Variants in CYP2E1 observed in about 807,000 individuals in gnomAD.
The protein encoded by CYP2E1 is cytochrome P450 family 2 subfamily E member 1, also known as cytochrome P450 2E1.
A neutral mutation model predicts 42.9 loss-of-function variants in CYP2E1; 31 were observed. The ratio of observed to expected loss-of-function variants is 0.72; its 90% confidence interval spans 0.54 to 0.98. The LOEUF (loss-of-function observed/expected upper bound fraction) is 0.98. Ranked by LOEUF, CYP2E1 falls within the 50% of genes least tolerant of loss-of-function variation. The probability of loss-of-function intolerance (pLI) is 0.00; values close to 1 mark genes in which losing one functional copy is unlikely to be tolerated. For missense variants in CYP2E1, 565 were observed against 633.2 expected, an observed-to-expected ratio of 0.89 and a Z score of 1.16; for synonymous variants, 244 against 248.9, an observed-to-expected ratio of 0.98 and a Z score of 0.19.
intron 1 of CYP2E1, 85 bp from the exon 2 acceptor site, chr10:133,528,396 A>G: frequency 6.6e-7 from 1 of 1,521,882 alleles, no homozygotes; most frequent in South Asian, 1.2e-5. Flanking sequence ...AGCAACAGCA[A>G]TACCCGCCCG....
intron 3 of CYP2E1, 191 bp from the exon 4 acceptor site, chr10:133,531,933 G>A (rs1003698204): frequency 2.3e-5 from 17 of 742,542 alleles, no homozygotes; most frequent in Admixed American, 1.7e-4. Context: ...CATTAAACAC[G>A]TGACTTGTAT....
chr10:133,533,901 G>A lies in CYP2E1; in HGVS notation c.967+4G>A, dbSNP rs78391899. On this transcript the variant is annotated splice_donor_region_variant and intron_variant, in intron 6 of 8. Transcript: ENST00000252945. ...ATGAAATACCCTGAGATCGAAGGTAGGCAAGTGACTGAAGGGACACCGTGC... is the reference window on the plus strand; with the variant it reads ...ATGAAATACCCTGAGATCGAAGGTAAGCAAGTGACTGAAGGGACACCGTGC... 43 of 1,613,956 alleles carry A rather than the reference G, an allele frequency of 2.7e-5. No homozygotes were observed. The Admixed American group carries it at 2.8e-4, about 11-fold the overall frequency.
chr10:133,537,644 A>G, intron 7 of CYP2E1, 107 bp from the exon 8 acceptor site: 1 of 964,524 alleles, frequency 1.0e-6, no homozygotes, highest in Non-Finnish European at 1.6e-6. Flanking sequence ...GAAATATACT[A>G]TCCTATATAG....
chr10:133,528,336 C>T, intron 1 of CYP2E1, 145 bp from the exon 2 acceptor site: 1 of 961,946 alleles, frequency 1.0e-6, no homozygotes, highest in Non-Finnish European at 1.5e-6. Context: ...TCTCCCCCAC[C>T]TCGGGCTGGA....
Position 133,528,603 on chromosome 10 carries a change from A to T in CYP2E1, c.300A>T (p.Arg100Ser). ...ACTACAAGGACGAGTTCTCGGGCAG[A>T]GGCGACCTCCCCGCGTTCCATGCGC... ...LLDYKDEFSG[R>S]GDLPAFHAHR... Residue 100 changes from arginine to serine, a missense_variant, in exon 2 of 9, where the codon AGA becomes AGT. Coordinates refer to ENST00000252945, the MANE Select transcript of CYP2E1 (RefSeq NM_000773.4). The T allele has an allele frequency of 6.2e-7, 1 of 1,613,388 alleles. No homozygotes were observed. The highest frequency in any genetic ancestry group is 8.5e-7 in the Non-Finnish European group (1 of 1,179,968).
In CYP2E1 at chr10:133,538,769, G is replaced by T; in HGVS notation, c.1298-11G>T. On this transcript the variant is annotated splice_polypyrimidine_tract_variant and intron_variant, in intron 8 of 8. Coordinates refer to ENST00000252945, the MANE Select transcript of CYP2E1 (RefSeq NM_000773.4). Reference sequence around the variant, plus strand: ...CCCTCAGTGTCTCATCAATACCATTGTTACTTCTAGGAAAACGAGTGTGTG... The same window carrying T: ...CCCTCAGTGTCTCATCAATACCATTTTTACTTCTAGGAAAACGAGTGTGTG... The T allele has an allele frequency of 6.2e-7, 1 of 1,612,372 alleles. No individual in the cohort carries two copies. The highest frequency in any genetic ancestry group is 1.3e-5 in the African/African-American group (1 of 74,964).
intron 5 of CYP2E1, among the ~76,000 whole-genome samples, chr10:133,533,089 G>T (rs112863932): frequency 2.0e-3 from 297 of 152,288 alleles, no homozygotes; most frequent in African/African-American, 6.7e-3. Context: ...TGGGCGGGAC[G>T]CTTAGCTCTC....
At chr10:133,528,257 C>A in intron 1 of CYP2E1, 1 of 523,816 alleles carries the variant, frequency 1.9e-6, no homozygotes, top group Non-Finnish European at 3.4e-6. Flanking sequence ...GGAGTCCAGG[C>A]GGGTGGGGAG....
At chr10:133,538,009 G>A (rs1400482077) in intron 8 of CYP2E1, 117 bp downstream of exon 8, 4 of 987,598 alleles carry the variant, frequency 4.1e-6, no homozygotes, top group Non-Finnish European at 5.9e-6. Flanking sequence ...ACCTCACTGT[G>A]TGCCCTGTTT....
rs1239241038 is a variant in CYP2E1 at position 133,532,781 on chromosome 10, G to A, written c.738G>A (p.Val246=). ...ATGTGGCTGAAGTAAAAGAGTATGT[G>A]TCTGAAAGGGTGAAGGAGCACCATC... ...IKNVAEVKEY[V]SERVKEHHQS... is the part of the protein sequence containing the mutation. The change falls in exon 5 of 9, where the codon GTG becomes GTA. Residue 246 remains valine, a synonymous_variant. Transcript: ENST00000252945. 3.1e-6 allele frequency: 5 copies of A among 1,613,738 alleles called. No individual in the cohort carries two copies. Among genetic ancestry groups the A allele is most frequent in the Middle Eastern group, 1.7e-4 (1 of 6,030 alleles).
chr10:133,527,595 T>C (rs1851286050), intron 1 of CYP2E1, 23 bp downstream of exon 1: 12 of 1,579,002 alleles, frequency 7.6e-6, no homozygotes, highest in African/African-American at 1.3e-5. Context: ...GTGTTGATTT[T>C]AGGGAGAATA....
In CYP2E1 at chr10:133,532,684, C is replaced by G. The variant is rs746898292; in HGVS notation, c.649-8C>G. On this transcript the variant is annotated splice_polypyrimidine_tract_variant and splice_region_variant and intron_variant, in intron 4 of 8. Coordinates refer to ENST00000252945, the MANE Select transcript of CYP2E1 (RefSeq NM_000773.4). ...AAAAAGTAGTAAAATATTTTTTTCCCTCTCTAGCTTTACAATAATTTTCCC... is the reference window on the plus strand; with the variant it reads ...AAAAAGTAGTAAAATATTTTTTTCCGTCTCTAGCTTTACAATAATTTTCCC... The G allele has an allele frequency of 1.7e-5, 27 of 1,575,704 alleles. No homozygotes were observed. Among genetic ancestry groups the G allele is most frequent in the Non-Finnish European group, 2.1e-5 (25 of 1,165,340 alleles).
At chr10:133,534,738 G>A (rs193066773) in intron 6 of CYP2E1, among the ~76,000 whole-genome samples, 5 of 152,322 alleles carry the variant, frequency 3.3e-5, no homozygotes, top group Non-Finnish European at 5.9e-5. Flanking sequence ...CTTAAGGCTC[G>A]TCAGTTCCTG....
chr10:133,539,046 T>G lies in CYP2E1; in HGVS notation c.*82T>G. ...GGTCAGGATTTCTCAAACTGATTCC[T>G]TTCTTTGCATATGAGTATTTGAAAA... On this transcript the variant is annotated 3_prime_UTR_variant, in exon 9 of 9. Transcript: ENST00000252945. 1 of 1,067,104 alleles carries G rather than the reference T, an allele frequency of 9.4e-7. No individual in the cohort carries two copies. Among genetic ancestry groups the G allele is most frequent in the Non-Finnish European group, 1.3e-6 (1 of 747,880 alleles). The allele number at this position is 1,067,104 out of a possible 1,614,324, so 66.1% of individuals were successfully genotyped here.
intron 5 of CYP2E1, 41 bp downstream of exon 5, chr10:133,532,909 G>A (rs1851356284): frequency 2.6e-6 from 4 of 1,534,078 alleles, no homozygotes; most frequent in South Asian, 2.5e-5. Flanking sequence ...TCCGGGGTGG[G>A]CAGAGAATGC....
chr10:133,529,130 T>G (rs564870715), intron 2 of CYP2E1, among the ~76,000 whole-genome samples: 1 of 152,164 alleles, frequency 6.6e-6, no homozygotes, highest in Non-Finnish European at 1.5e-5. Flanking sequence ...GGGGTGGATG[T>G]CCTGAGACCG....
intron 4 of CYP2E1, 136 bp from the exon 5 acceptor site, chr10:133,532,556 A>G: frequency 1.2e-6 from 1 of 858,364 alleles, no homozygotes; most frequent in Admixed American, 2.3e-5. Flanking sequence ...CCCAAGAAGG[A>G]CACTGTTGAC....
Position 133,532,826 on chromosome 10 carries a change from T to A in CYP2E1, c.783T>A (p.Cys261Ter), listed in dbSNP as rs772311713. 16 of 1,612,032 alleles carry A rather than the reference T, an allele frequency of 9.9e-6. No homozygotes were observed. The highest frequency in any genetic ancestry group is 1.3e-5 in the Non-Finnish European group (15 of 1,179,508). The change falls in exon 5 of 9, where the codon TGT becomes TGA. Residue 261 changes from cysteine to a stop codon, truncating the protein, a stop_gained. Transcript: ENST00000252945. LOFTEE classifies it high-confidence loss of function. ...ACCATCAATCTCTGGACCCCAACTG[T>A]CCCCGGGACCTCACCGACTGCCTGC... Reference protein sequence around the residue: ...KEHHQSLDPNCPRDLTDCLLV... With the variant: ...KEHHQSLDPN
chr10:133,528,724 C>A, intron 2 of CYP2E1, 84 bp downstream of exon 2: 1 of 1,493,436 alleles, frequency 6.7e-7, no homozygotes, highest in Non-Finnish European at 9.2e-7. Context: ...CGGCGATGGC[C>A]AAATAATAAA....
Sources: gnomAD v4.1 joint callset for allele counts (sites outside exome capture counted in the v4.1 genomes callset) on GRCh38, gnomAD v4.1.1 for gene constraint, MANE v1.5 for transcripts, NCBI Gene and HGNC (gene_info 2026-07-23, HGNC 2026-07-21) for gene names.